The following VPS13B variants were observed in gnomAD, a reference collection of about 807,000 sequenced individuals.
The protein encoded by VPS13B is intermembrane lipid transfer protein VPS13B.
Under a neutral mutation model 426.4 loss-of-function variants are expected in VPS13B, and 285 were observed. The ratio of observed to expected loss-of-function variants is 0.67; its 90% CI spans 0.61 to 0.74. VPS13B has a LOEUF of 0.74. VPS13B is among the 30% of genes least tolerant of loss of function. The pLI is 0.00. For synonymous variants in VPS13B, 1,676 were observed against 1,676.4 expected (o/e 1.00, Z 0.01); for missense variants, 4,537 against 4,782.6 (o/e 0.95, Z 1.51).
At chr8:99,795,569 T>C (rs77519268) in intron 43 of VPS13B, among the ~76,000 whole-genome samples, 6,981 of 152,274 alleles carry the variant, frequency 0.046, 172 homozygotes, top group African/African-American at 0.061. Flanking sequence ...GTTAAAGCAA[T>C]AAGCACTTAT....
intron 33 of VPS13B, among the ~76,000 whole-genome samples, chr8:99,590,427 T>C (rs1490254123): frequency 6.6e-6 from 1 of 152,206 alleles, no homozygotes; most frequent in Non-Finnish European, 1.5e-5. Flanking sequence ...ATTGTCATGT[T>C]AGGGTGTCAA....
chr8:99,045,979 T>C (rs531092011), intron 3 of VPS13B, among the ~76,000 whole-genome samples: 9 of 152,194 alleles, frequency 5.9e-5, no homozygotes, highest in Non-Finnish European at 1.3e-4. Flanking sequence ...TCAGGTAATG[T>C]GATACCTCCA....
chr8:99,819,980 C>T lies in VPS13B; in HGVS notation c.8852C>T (p.Pro2951Leu). The T allele has an allele frequency of 6.2e-7, 1 of 1,614,006 alleles. No homozygotes were observed. Among genetic ancestry groups the T allele is most frequent in the South Asian group, 1.1e-5 (1 of 91,076 alleles). Residue 2951 changes from proline to leucine, a missense_variant, in exon 49 of 62, where the codon CCA becomes CTA. Pro to Leu is a moderately conservative substitution (Grantham distance 98). This residue lies in a region of VPS13B where 4,311 missense variants were observed against 4,474.3 expected (regional missense o/e 0.96). Transcript: ENST00000357162. ...PMRVKLSIWK[P>L]YVRTLLIELL... ...CGAGTGAAGCTGTCAATCTGGAAGCCATATGTTAGAACTTTGTTGATAGAA... is the reference window on the plus strand; with the variant it reads ...CGAGTGAAGCTGTCAATCTGGAAGCTATATGTTAGAACTTTGTTGATAGAA...
chr8:99,647,390 C>T (rs950211303), intron 34 of VPS13B, among the ~76,000 whole-genome samples: 3 of 151,540 alleles, frequency 2.0e-5, no homozygotes, highest in Admixed American at 6.6e-5. Context: ...GGTTAAACCC[C>T]GTCTCTACAA....
At chr8:99,648,315 CACTT>C (rs1252445236) in intron 34 of VPS13B, among the ~76,000 whole-genome samples, 2 of 152,154 alleles carry the variant, frequency 1.3e-5, no homozygotes, top group African/African-American at 4.8e-5. Context: ...GGTTGTGAAA[CACTT>C]ACATTAATTA....
At chr8:99,782,730 A>T (rs892952072) in intron 42 of VPS13B, among the ~76,000 whole-genome samples, 30 of 152,214 alleles carry the variant, frequency 2.0e-4, no homozygotes, top group African/African-American at 7.0e-4. Context: ...AATGGAGAGT[A>T]GCTCAAGATG....
At chr8:99,513,989 T>C (rs774287171) in intron 29 of VPS13B, among the ~76,000 whole-genome samples, 1 of 152,250 alleles carries the variant, frequency 6.6e-6, no homozygotes, top group Non-Finnish European at 1.5e-5. Flanking sequence ...TGAAAGCTTC[T>C]GAAAGTCTTT....
chr8:99,355,582 T>C (rs3103719), intron 19 of VPS13B, among the ~76,000 whole-genome samples: 111,698 of 151,984 alleles, frequency 0.73, 41,784 homozygotes, highest in South Asian at 0.87. Flanking sequence ...AGAGTGAGAC[T>C]CCATCTCAAA....
chr8:99,513,102 T>C (rs891837899), intron 29 of VPS13B, among the ~76,000 whole-genome samples: 1 of 151,260 alleles, frequency 6.6e-6, no homozygotes, highest in African/African-American at 2.4e-5. Context: ...TAGATAAAAA[T>C]AAGAATAAAG....
At chr8:99,473,808 G>A (rs1819540984) in intron 24 of VPS13B, among the ~76,000 whole-genome samples, 1 of 152,174 alleles carries the variant, frequency 6.6e-6, no homozygotes, top group South Asian at 2.1e-4. Context: ...AAGCTTTTAT[G>A]AGACAAAGTT....
At chr8:99,345,846 C>T (rs16897273) in intron 19 of VPS13B, among the ~76,000 whole-genome samples, 3,090 of 152,234 alleles carry the variant, frequency 0.02, 113 homozygotes, top group African/African-American at 0.07. Context: ...AATTAAGAAC[C>T]CCTCCAACCA....
At chr8:99,361,233 C>T (rs1003465536) in intron 19 of VPS13B, among the ~76,000 whole-genome samples, 16 of 152,186 alleles carry the variant, frequency 1.1e-4, no homozygotes, top group African/African-American at 3.6e-4. Context: ...TCATTAGACA[C>T]TCACCTGCAT....
intron 3 of VPS13B, among the ~76,000 whole-genome samples, chr8:99,077,205 G>A (rs1315545346): frequency 2.0e-5 from 3 of 151,540 alleles, no homozygotes; most frequent in South Asian, 2.1e-4. Context: ...GGAGTTTCAC[G>A]CTGGTTGCCC....
chr8:99,339,721 T>A (rs1047090390), intron 19 of VPS13B, among the ~76,000 whole-genome samples: 7 of 151,856 alleles, frequency 4.6e-5, no homozygotes, highest in African/African-American at 1.7e-4. Flanking sequence ...TGCTGTAAAA[T>A]CTCAAACAAG....
intron 19 of VPS13B, among the ~76,000 whole-genome samples, chr8:99,289,762 A>G (rs1314973574): frequency 6.6e-6 from 1 of 152,080 alleles, no homozygotes; most frequent in East Asian, 1.9e-4. Flanking sequence ...GCAATATTAA[A>G]GTAAGTTGCT....
chr8:99,622,250 G>GT (rs1292364456), intron 33 of VPS13B, among the ~76,000 whole-genome samples: 1 of 152,064 alleles, frequency 6.6e-6, no homozygotes. Context: ...TGTAAAGTAG[G>GT]TATTTTCTCC....
chr8:99,503,009 T>A, intron 27 of VPS13B, 59 bp downstream of exon 27: 1 of 1,287,034 alleles, frequency 7.8e-7, no homozygotes, highest in Non-Finnish European at 1.1e-6. Context: ...AAAGTTACCA[T>A]AAGACTTTTT....
At position 99,310,715 on chromosome 8, in the gene VPS13B, G is replaced by A. The variant is rs192187171; in HGVS notation, c.2824+35461G>A. The stretch of plus-strand genomic sequence containing the variant: ...TGCTGGCCTCATAAAATGAGTTAGG[G>A]AGGATTCCCTCTTTTTCTATTGATT... On this transcript the variant is annotated intron_variant, in intron 19 of 61. Transcript: ENST00000357162. 4.5e-3 allele frequency among the ~76,000 whole-genome samples: 686 copies of A among 152,306 alleles called. 3 individuals are homozygous for A. The highest frequency in any genetic ancestry group is 7.3e-3 in the Non-Finnish European group (494 of 68,018).
chr8:99,283,052 T>C (rs78913683), intron 19 of VPS13B, among the ~76,000 whole-genome samples: 10,895 of 151,990 alleles, frequency 0.072, 571 homozygotes, highest in African/African-American at 0.15. Flanking sequence ...CCATTTGGAG[T>C]TGGTTGGTTA....
Sources: gnomAD v4.1 joint callset for allele counts (sites outside exome capture counted in the v4.1 genomes callset) on GRCh38, gnomAD v4.1.1 for gene constraint, gnomAD v4.1.1 regional missense constraint, MANE v1.5 for transcripts, NCBI Gene and HGNC (gene_info 2026-07-23, HGNC 2026-07-21) for gene names.